Variants in P2RY6 observed in about 807,000 individuals in gnomAD.
P2RY6 encodes pyrimidinergic receptor P2Y6, also known as P2Y purinoceptor 6.
In P2RY6, 19 loss-of-function variants were observed where a neutral mutation model predicts 16.3. The observed-to-expected ratio is 1.16, with a 90% CI of 0.81 to 1.71. The LOEUF (loss-of-function observed/expected upper bound fraction) is 1.71. P2RY6 is among the 40% of genes most tolerant of loss of function. The pLI is 0.00. For synonymous variants in P2RY6, 184 were observed against 201.5 expected (o/e 0.91, Z 0.74); for missense variants, 389 against 455.5 (o/e 0.85, Z 1.33).
Position 73,297,146 on chromosome 11 carries a change from G to T in P2RY6, c.628G>T (p.Ala210Ser). 6.2e-7 allele frequency: 1 copy of T among 1,604,878 alleles called. No homozygotes were observed. Among genetic ancestry groups the T allele is most frequent in the Non-Finnish European group, 8.5e-7 (1 of 1,179,906 alleles). ...CCTGCTGCCCTTTGCTGCCCTGCTG[G>T]CCTGCTACTGTCTCCTGGCCTGCCG... ...GFLLPFAALL[A>S]CYCLLACRLC... The change falls in exon 3 of 3, where the codon GCC (alanine) becomes TCC (serine). Residue 210 changes from alanine to serine, a missense_variant. Ala to Ser is a moderately conservative substitution (Grantham distance 99). Transcript: ENST00000540124.
chr11:73,281,393 G>A (rs1376282424), intron 1 of P2RY6, among the ~76,000 whole-genome samples: 2 of 152,216 alleles, frequency 1.3e-5, no homozygotes, highest in South Asian at 2.1e-4. Flanking sequence ...GAGCTGTGCT[G>A]AGGACATCTG....
chr11:73,296,233 A>AAATATATATAT (rs57187973), intron 2 of P2RY6, among the ~76,000 whole-genome samples: 9 of 124,490 alleles, frequency 7.2e-5, no homozygotes, highest in South Asian at 2.4e-4. Context: ...GAAAAAAAAA[A>AAATATATATAT]ATATATATAT....
chr11:73,287,767 C>G (rs774708923), intron 1 of P2RY6, among the ~76,000 whole-genome samples: 4 of 152,258 alleles, frequency 2.6e-5, no homozygotes, highest in Non-Finnish European at 4.4e-5. Context: ...GTTGTCCAGG[C>G]AAGGCACAGA....
Position 73,297,467 on chromosome 11 carries a change from C to T in P2RY6, c.949C>T (p.Gln317Ter), listed in dbSNP as rs1180069871. 3 of 1,611,224 alleles carry T rather than the reference C, an allele frequency of 1.9e-6. No individual in the cohort carries two copies. Among genetic ancestry groups the T allele is most frequent in the South Asian group, 1.1e-5 (1 of 91,068 alleles). Residue 317 changes from glutamine to a stop codon, truncating the protein, a stop_gained, in exon 3 of 3, where the codon CAG becomes TAG. Transcript: ENST00000540124. LOFTEE classifies it high-confidence loss of function. ...CCGCCGGCGACCACATGAGCTCCTA[C>T]AGAAACTCACAGCCAAATGGCAGAG... ...KFRRRPHELLQKLTAKWQRQG... is the reference protein window; with the variant it reads ...KFRRRPHELL
Position 73,297,340 on chromosome 11 carries a change from T to C in P2RY6, c.822T>C (p.Thr274=). 1 of 1,612,348 alleles carries C rather than the reference T, an allele frequency of 6.2e-7. No individual in the cohort carries two copies. Among genetic ancestry groups the C allele is most frequent in the Non-Finnish European group, 8.5e-7 (1 of 1,179,906 alleles). Residue 274 remains threonine, a synonymous_variant, in exon 3 of 3, where the codon ACT becomes ACC. Transcript: ENST00000540124. ...GCTCGACGCCGGGCGTCCCCTGCACTGTATTGGAGGCCTTTGCAGCGGCCT... is the reference window on the plus strand; with the variant it reads ...GCTCGACGCCGGGCGTCCCCTGCACCGTATTGGAGGCCTTTGCAGCGGCCT... ...AVRSTPGVPC[T]VLEAFAAAYK... is the part of the protein sequence containing the mutation.
At chr11:73,292,770 C>T (rs752962002) in intron 1 of P2RY6, 4 of 984,714 alleles carry the variant, frequency 4.1e-6, no homozygotes, top group South Asian at 4.7e-5. Flanking sequence ...TAGTCAGAGA[C>T]AGCCCTGCCA....
chr11:73,284,391 G>A (rs540527873), intron 1 of P2RY6, among the ~76,000 whole-genome samples: 23 of 152,222 alleles, frequency 1.5e-4, no homozygotes, highest in African/African-American at 5.3e-4. Context: ...ATCCTTGGCC[G>A]GGCCCTGGTG....
chr11:73,273,169 TA>T (rs1482361589), intron 1 of P2RY6, among the ~76,000 whole-genome samples: 1 of 151,886 alleles, frequency 6.6e-6, no homozygotes, highest in African/African-American at 2.4e-5. Flanking sequence ...AGAGCTGGGT[TA>T]AAACTTTTCC....
upstream of P2RY6, among the ~76,000 whole-genome samples, chr11:73,270,962 A>G (rs1318669581): frequency 6.6e-6 from 1 of 152,130 alleles, no homozygotes; most frequent in East Asian, 1.9e-4. Flanking sequence ...TCTTATCACT[A>G]TCTGGCCTGC....
intron 1 of P2RY6, among the ~76,000 whole-genome samples, chr11:73,265,797 C>T (rs1055435196): frequency 6.6e-6 from 1 of 152,174 alleles, no homozygotes; most frequent in African/African-American, 2.4e-5. Context: ...AAGCTTGGTT[C>T]AAATTTGATT....
upstream of P2RY6, among the ~76,000 whole-genome samples, chr11:73,271,320 G>A (rs1591661523): frequency 6.6e-6 from 1 of 152,114 alleles, no homozygotes; most frequent in Admixed American, 6.5e-5. Flanking sequence ...GACGAGCCGC[G>A]GACAAAACCC....
chr11:73,280,793 G>A (rs535381171), intron 1 of P2RY6, among the ~76,000 whole-genome samples: 9 of 152,340 alleles, frequency 5.9e-5, no homozygotes, highest in Non-Finnish European at 7.3e-5. Flanking sequence ...CCAGCAGGTC[G>A]CGTGCAAGGG....
In P2RY6 at chr11:73,297,317, T is replaced by C. The variant is rs368281933; in HGVS notation, c.799T>C (p.Ser267Pro). The part of the protein sequence containing the change: ...ITKTAYLAVR[S>P]TPGVPCTVLE... ...CAAGACAGCCTACCTGGCAGTGCGC[T>C]CGACGCCGGGCGTCCCCTGCACTGT... The change falls in exon 3 of 3, where the codon TCG (serine) becomes CCG (proline). Residue 267 changes from serine (S) to proline (P), a missense_variant. Ser to Pro is a moderately conservative substitution (Grantham distance 74). Transcript: ENST00000540124. 28 of 1,610,134 alleles carry C rather than the reference T, an allele frequency of 1.7e-5. No homozygotes were observed. The highest frequency in any genetic ancestry group is 8.9e-5 in the East Asian group (4 of 44,828).
At chr11:73,271,383 C>T (rs1863301980), upstream of P2RY6, 1 of 152,324 alleles carries the variant, frequency 6.6e-6, no homozygotes, top group Non-Finnish European at 1.5e-5. Context: ...GGAGCATCGG[C>T]AGGCTAGCAT....
chr11:73,266,908 C>T (rs1295987354), intron 1 of P2RY6, among the ~76,000 whole-genome samples: 1 of 152,080 alleles, frequency 6.6e-6, no homozygotes, highest in East Asian at 1.9e-4. Flanking sequence ...GAGGCCTGGC[C>T]CAGCCCTGAC....
chr11:73,286,918 A>G (rs1312253402), intron 1 of P2RY6, among the ~76,000 whole-genome samples: 1 of 152,230 alleles, frequency 6.6e-6, no homozygotes, highest in Non-Finnish European at 1.5e-5. Flanking sequence ...CTCTGGCCTC[A>G]GTTTTCTCGT....
At chr11:73,286,773 C>T (rs1434291211) in intron 1 of P2RY6, among the ~76,000 whole-genome samples, 2 of 152,114 alleles carry the variant, frequency 1.3e-5, no homozygotes, top group Admixed American at 1.3e-4. Context: ...GGGAGTCTGA[C>T]ACCGCCCCTT....
At chr11:73,274,540 C>CAAAAAAA (rs59442426) in intron 1 of P2RY6, among the ~76,000 whole-genome samples, 9 of 68,546 alleles carry the variant, frequency 1.3e-4, no homozygotes, top group Admixed American at 3.5e-4. Context: ...GAGACTGTCT[C>CAAAAAAA]AAAAAAAAAA....
intron 1 of P2RY6, among the ~76,000 whole-genome samples, chr11:73,286,943 T>C (rs1863995661): frequency 6.6e-6 from 1 of 152,210 alleles, no homozygotes; most frequent in Non-Finnish European, 1.5e-5. Context: ...AAATGTCACC[T>C]GTCTTCCTGG....
Sources: gnomAD v4.1 joint callset for allele counts (sites outside exome capture counted in the v4.1 genomes callset) on GRCh38, gnomAD v4.1.1 for gene constraint, MANE v1.5 for transcripts, NCBI Gene and HGNC (gene_info 2026-07-23, HGNC 2026-07-21) for gene names.